GTPBP4: variants seen among roughly 807,000 people sequenced by gnomAD.
GTPBP4 encodes GTP binding protein 4.
Under a neutral mutation model 81.7 loss-of-function variants are expected in GTPBP4, and 15 were observed. That is an observed-to-expected ratio of 0.18 (90% CI 0.12 to 0.28). The LOEUF is 0.28. GTPBP4 is among the 10% of genes least tolerant of loss of function. The probability of loss-of-function intolerance (pLI) is 1.00; values close to 1 mark genes in which losing one functional copy is unlikely to be tolerated. For missense variants in GTPBP4, 847 were observed against 793.8 expected, an observed-to-expected ratio of 1.07 and a Z score of -0.81; for synonymous variants, 272 against 274.6, an observed-to-expected ratio of 0.99 and a Z score of 0.09.
At position 1,016,441 on chromosome 10, in the gene GTPBP4, T is replaced by C. The variant is rs116460329; in HGVS notation, c.1752+545T>C. On this transcript the variant is annotated intron_variant, in intron 16 of 16. Transcript: ENST00000360803. Reference sequence around the variant, plus strand: ...TCCTTTTATTAAACACAACAACTTTTAGTTTCAGCGTTGTGGTAATGGAGA... The same window carrying C: ...TCCTTTTATTAAACACAACAACTTTCAGTTTCAGCGTTGTGGTAATGGAGA... 3.4e-3 allele frequency among the ~76,000 whole-genome samples: 519 copies of C among 152,380 alleles called. 4 individuals carry two copies. Among genetic ancestry groups the C allele is most frequent in the African/African-American group, 0.012 (486 of 41,594 alleles).
chr10:1,010,680 C>T (rs940393418), intron 13 of GTPBP4, among the ~76,000 whole-genome samples, 160 bp downstream of exon 13: 1 of 150,746 alleles, frequency 6.6e-6, no homozygotes, highest in Non-Finnish European at 1.5e-5. Context: ...CCCTGAGACT[C>T]TGGTGGAGAT....
At chr10:1,012,852 G>C (rs569862254) in intron 14 of GTPBP4, among the ~76,000 whole-genome samples, 190 bp downstream of exon 14, 31 of 152,056 alleles carry the variant, frequency 2.0e-4, no homozygotes, top group Non-Finnish European at 3.7e-4. Context: ...GTCCTTTCTT[G>C]GTGACTTTCA....
At chr10:1,004,839 G>A (rs1219529680) in intron 8 of GTPBP4, among the ~76,000 whole-genome samples, 1 of 152,146 alleles carries the variant, frequency 6.6e-6, no homozygotes, top group East Asian at 1.9e-4. Context: ...GGATGAAGGG[G>A]AGCTGTGGCC....
intron 2 of GTPBP4, 24 bp from the exon 3 acceptor site, chr10:995,905 G>A (rs776247521): frequency 4.1e-5 from 56 of 1,368,658 alleles, no homozygotes; most frequent in South Asian, 1.5e-4. Context: ...CCAAGTGACC[G>A]TGGTGTGCTT....
At chr10:1,000,031 A>G (rs1429460610) in intron 6 of GTPBP4, among the ~76,000 whole-genome samples, 2 of 152,026 alleles carry the variant, frequency 1.3e-5, no homozygotes, top group Non-Finnish European at 2.9e-5. Flanking sequence ...TGAAGAAAGT[A>G]ATTCCTAAGA....
intron 9 of GTPBP4, among the ~76,000 whole-genome samples, 195 bp from the exon 10 acceptor site, chr10:1,006,823 A>G (rs1831746426): frequency 6.6e-6 from 1 of 152,022 alleles, no homozygotes; most frequent in Non-Finnish European, 1.5e-5. Flanking sequence ...GTGGTGGGAG[A>G]GAGGCCCAGG....
intron 2 of GTPBP4, among the ~76,000 whole-genome samples, chr10:993,704 G>A (rs540522018): frequency 4.6e-5 from 7 of 152,294 alleles, no homozygotes; most frequent in South Asian, 2.1e-4. Context: ...TAAATCTGCC[G>A]TTGCCCCAGA....
chr10:1,008,375 A>T (rs1186991080), intron 10 of GTPBP4: 1 of 361,288 alleles, frequency 2.8e-6, no homozygotes. Flanking sequence ...ACTGTACTCC[A>T]GCCTGGGTGA....
Position 989,137 on chromosome 10 carries a change from T to TG in GTPBP4, c.48+611dup, listed in dbSNP as rs1491527670. Among the ~76,000 whole-genome samples, 328 of 103,174 alleles carry TG rather than the reference T, an allele frequency of 3.2e-3. 1 individual carries two copies. The highest frequency in any genetic ancestry group is 0.011 in the African/African-American group (267 of 24,598). The allele number at this position is 103,174 out of a possible 152,430, so 67.7% of individuals were successfully genotyped here. A position where few individuals can be genotyped will look rare whatever the true frequency, so the allele number is the denominator to read the frequency against. On this transcript the variant is annotated intron_variant, in intron 1 of 16. Coordinates refer to ENST00000360803, the MANE Select transcript of GTPBP4 (RefSeq NM_012341.3). The stretch of plus-strand genomic sequence containing the variant: ...GACTTTTTTTTTTTTTTTTTTTTTT[T>TG]GAGACATAGTTTTTCGCTCTTGTTT...
chr10:988,582 C>A (rs1263512359), intron 1 of GTPBP4, 55 bp downstream of exon 1: 3 of 1,376,734 alleles, frequency 2.2e-6, no homozygotes, highest in Non-Finnish European at 2.1e-6. Context: ...AGCTGGGTCC[C>A]CGGGGAGGGT....
At chr10:1,002,219 G>T (rs529597107) in intron 8 of GTPBP4, among the ~76,000 whole-genome samples, 1 of 152,338 alleles carries the variant, frequency 6.6e-6, no homozygotes, top group East Asian at 1.9e-4. Flanking sequence ...CACTGCGCCT[G>T]GCCTACAGTG....
At chr10:1,004,407 A>T (rs1649137499) in intron 8 of GTPBP4, among the ~76,000 whole-genome samples, 1 of 152,120 alleles carries the variant, frequency 6.6e-6, no homozygotes, top group African/African-American at 2.4e-5. Flanking sequence ...GTGGTGGGGC[A>T]GGTGCCTCGG....
In GTPBP4 at chr10:1,017,314, G is replaced by A. The variant is rs1832011153; in HGVS notation, c.*87G>A. On this transcript the variant is annotated 3_prime_UTR_variant, in exon 17 of 17. Coordinates refer to ENST00000360803, the MANE Select transcript of GTPBP4 (RefSeq NM_012341.3). ...TATGGTTTCATGAAATTGGAGCTCT[G>A]TATAAACTGAAAAAGACAAAATAAG... The A allele has an allele frequency of 2.6e-5, 32 of 1,221,980 alleles. No individual in the cohort carries two copies. Among genetic ancestry groups the A allele is most frequent in the Non-Finnish European group, 3.6e-5 (31 of 860,854 alleles). 75.7% of individuals were successfully genotyped at this position (1,221,980 alleles called of 1,614,324 possible). A position where few individuals can be genotyped will look rare whatever the true frequency, so the allele number is the denominator to read the frequency against.
At chr10:992,965 T>A (rs1831472088) in intron 2 of GTPBP4, among the ~76,000 whole-genome samples, 1 of 152,196 alleles carries the variant, frequency 6.6e-6, no homozygotes, top group African/African-American at 2.4e-5. Context: ...GTGTTAATGA[T>A]AGCTGTGGGT....
chr10:1,001,945 A>C (rs1831642394), intron 8 of GTPBP4, among the ~76,000 whole-genome samples: 1 of 140,702 alleles, frequency 7.1e-6, no homozygotes, highest in African/African-American at 2.7e-5. Flanking sequence ...TTTTTTTGAG[A>C]TGGAGTCTCG....
intron 6 of GTPBP4, among the ~76,000 whole-genome samples, chr10:1,000,207 T>G (rs898766360): frequency 1.6e-4 from 24 of 151,546 alleles, no homozygotes; most frequent in African/African-American, 5.8e-4. Context: ...CACTGGTTTA[T>G]TTTGTGGTAT....
In GTPBP4 at chr10:1,019,329, T is replaced by C. The variant is rs1013688410; in HGVS notation, c.*2102T>C. 7.3e-6 allele frequency: 4 copies of C among 550,418 alleles called. No individual in the cohort carries two copies. The highest frequency in any genetic ancestry group is 9.6e-6 in the Non-Finnish European group (3 of 313,390). 34.1% of individuals were successfully genotyped at this position (550,418 alleles called of 1,614,324 possible). ...CCTGCAACCAGGCAGATGAGAAATA[T>C]GGAAATAAGGAAAAGGGAAAATGAA... is the stretch of plus-strand genomic sequence containing the variant. On this transcript the variant is annotated 3_prime_UTR_variant, in exon 17 of 17. Transcript: ENST00000360803.
chr10:1,013,279 C>T (rs966640260), intron 14 of GTPBP4, among the ~76,000 whole-genome samples: 4 of 151,590 alleles, frequency 2.6e-5, no homozygotes, highest in Admixed American at 2.0e-4. Flanking sequence ...CCACCACGCC[C>T]GGCTGGTTTT....
rs2387218 is a variant in GTPBP4, at chr10:1,017,501, T to G, written c.*274T>G. ...TTCAGAACTGGGAAGATTTACTGGTTTAACTAGGTTGTTTTTGATGGAGAA... is the reference window on the plus strand; with the variant it reads ...TTCAGAACTGGGAAGATTTACTGGTGTAACTAGGTTGTTTTTGATGGAGAA... On this transcript the variant is annotated 3_prime_UTR_variant, in exon 17 of 17. Coordinates refer to ENST00000360803, the MANE Select transcript of GTPBP4 (RefSeq NM_012341.3). The G allele has an allele frequency of 1, 319,624 of 320,572 alleles. 159,346 individuals carry two copies. The highest frequency in any genetic ancestry group is 1 in the East Asian group (19,664 of 19,664). The allele number at this position is 320,572 out of a possible 1,614,324, so 19.9% of individuals were successfully genotyped here.
Sources: allele counts gnomAD v4.1 joint callset (sites outside exome capture counted in the v4.1 genomes callset), GRCh38; gene constraint gnomAD v4.1.1; transcripts MANE v1.5; gene names NCBI Gene and HGNC (gene_info 2026-07-23, HGNC 2026-07-21).